The following POLA1 variants were observed in gnomAD, a reference collection of about 807,000 sequenced individuals.
POLA1 encodes DNA polymerase alpha 1, catalytic subunit, also known as DNA polymerase alpha catalytic subunit.
A neutral mutation model predicts 124.0 loss-of-function variants in POLA1; 15 were observed. That is an observed-to-expected ratio of 0.12 (90% confidence interval 0.08 to 0.19). The LOEUF (loss-of-function observed/expected upper bound fraction) is 0.19, where lower values mean the gene tolerates loss of function less well. Ranked by LOEUF, POLA1 falls within the 10% of genes least tolerant of loss-of-function variation. The pLI is 1.00. For synonymous variants in POLA1, 408 were observed against 389.4 expected (o/e 1.05, Z -0.56); for missense variants, 886 against 1,103.4 (o/e 0.80, Z 2.79).
At chrX:24,771,957 A>G (rs2045045742) in intron 26 of POLA1, among the ~76,000 whole-genome samples, 1 of 112,083 alleles carries the variant, frequency 8.9e-6, no homozygotes, top group Non-Finnish European at 1.9e-5. Flanking sequence ...CCATCTTTCC[A>G]TGCATATACA....
intron 20 of POLA1, 84 bp downstream of exon 20, chrX:24,739,634 G>C: frequency 1.7e-6 from 1 of 573,481 alleles, no homozygotes; most frequent in South Asian, 3.3e-5. Context: ...AGTCTGGAGG[G>C]ACATGAGCCA....
At chrX:24,881,805 G>A (rs1258680809) in intron 34 of POLA1, among the ~76,000 whole-genome samples, 1 of 111,808 alleles carries the variant, frequency 8.9e-6, no homozygotes, top group African/African-American at 3.2e-5. Flanking sequence ...CGACCTTTTA[G>A]GCAGAGGTTC....
chrX:24,744,419 G>A (rs1569292760), intron 23 of POLA1: 1 of 316,931 alleles, frequency 3.2e-6, no homozygotes, highest in African/African-American at 2.8e-5. Context: ...CTATATGTTT[G>A]CAATTATTAT....
At chrX:24,954,609 G>C (rs2048085048) in intron 36 of POLA1, among the ~76,000 whole-genome samples, 2 of 112,413 alleles carry the variant, frequency 1.8e-5, no homozygotes, top group South Asian at 3.7e-4. Context: ...TAATTTGTTA[G>C]TGTTAGATAT....
At chrX:24,946,920 A>G (rs996776857) in intron 36 of POLA1, among the ~76,000 whole-genome samples, 1 of 111,849 alleles carries the variant, frequency 8.9e-6, no homozygotes, top group African/African-American at 3.3e-5. Flanking sequence ...GTATGTATAC[A>G]TTCATCAAAC....
intron 36 of POLA1, among the ~76,000 whole-genome samples, chrX:24,974,060 GAA>G (rs372716899): frequency 9.4e-6 from 1 of 106,788 alleles, no homozygotes; most frequent in African/African-American, 3.4e-5. Flanking sequence ...TAAATGACAG[GAA>G]AAAAAAAATC....
intron 35 of POLA1, among the ~76,000 whole-genome samples, chrX:24,891,138 G>T (rs2047138601): frequency 8.9e-6 from 1 of 112,220 alleles, no homozygotes; most frequent in Admixed American, 9.5e-5. Context: ...AGTATATCAG[G>T]TTATCTTTTA....
intron 35 of POLA1, among the ~76,000 whole-genome samples, chrX:24,904,840 C>T (rs1347377929): frequency 9.0e-6 from 1 of 110,942 alleles, no homozygotes; most frequent in Non-Finnish European, 1.9e-5. Flanking sequence ...GCCTGGCCAA[C>T]ATGGCAAAAC....
intron 34 of POLA1, among the ~76,000 whole-genome samples, chrX:24,880,961 G>C (rs1211243491): frequency 9.0e-6 from 1 of 111,720 alleles, no homozygotes; most frequent in African/African-American, 3.3e-5. Context: ...TGCATTCCTG[G>C]TGAGCCATTA....
intron 26 of POLA1, among the ~76,000 whole-genome samples, chrX:24,786,395 G>A (rs1376962611): frequency 2.7e-5 from 3 of 112,227 alleles, no homozygotes; most frequent in Non-Finnish European, 5.6e-5. Flanking sequence ...TTTGCGTGTC[G>A]CTGATGATTA....
intron 26 of POLA1, among the ~76,000 whole-genome samples, chrX:24,765,442 C>T (rs767851654): frequency 1.9e-4 from 21 of 109,189 alleles, no homozygotes; most frequent in South Asian, 1.6e-3. Context: ...ATTACAGGCA[C>T]GCACCACCAC....
chrX:24,765,889 TTCC>T (rs1932894259), intron 26 of POLA1, among the ~76,000 whole-genome samples: 1 of 112,025 alleles, frequency 8.9e-6, no homozygotes, highest in South Asian at 3.7e-4. Context: ...ATATGTATCT[TTCC>T]TTTTTCCATG....
At chrX:24,954,675 G>T (rs909395583) in intron 36 of POLA1, among the ~76,000 whole-genome samples, 1 of 112,185 alleles carries the variant, frequency 8.9e-6, no homozygotes, top group African/African-American at 3.2e-5. Flanking sequence ...AATATGGTGA[G>T]CATCAAAGTA....
intron 4 of POLA1, among the ~76,000 whole-genome samples, chrX:24,709,491 C>G (rs1350717867): frequency 8.4e-5 from 6 of 71,176 alleles, no homozygotes; most frequent in Middle Eastern, 7.9e-3. Context: ...CGGGGGCTGA[C>G]CCCCCCCACC....
At chrX:24,738,881 G>T (rs1485303968) in intron 19 of POLA1, among the ~76,000 whole-genome samples, 1 of 111,524 alleles carries the variant, frequency 9.0e-6, no homozygotes, top group Non-Finnish European at 1.9e-5. Flanking sequence ...ATCAAAGTTG[G>T]GGCCACTGCT....
intron 18 of POLA1, 51 bp downstream of exon 18, chrX:24,735,539 T>C: frequency 1.4e-6 from 1 of 719,775 alleles, no homozygotes. Context: ...TTCTTAGTTC[T>C]TTTCAGTGTG....
chrX:24,852,501 G>A (rs1219118483), intron 34 of POLA1, among the ~76,000 whole-genome samples: 1 of 110,254 alleles, frequency 9.1e-6, no homozygotes, highest in Non-Finnish European at 1.9e-5. Flanking sequence ...GTAGAGATAG[G>A]GTTTCTCCAT....
intron 35 of POLA1, among the ~76,000 whole-genome samples, chrX:24,888,491 A>C (rs1326035343): frequency 9.1e-6 from 1 of 110,482 alleles, no homozygotes; most frequent in African/African-American, 3.3e-5. Flanking sequence ...CTGTACCCTG[A>C]ATGGTTTATT....
intron 26 of POLA1, among the ~76,000 whole-genome samples, 160 bp from the exon 27 acceptor site, chrX:24,809,738 T>C (rs1312294898): frequency 9.0e-6 from 1 of 111,342 alleles, no homozygotes; most frequent in African/African-American, 3.3e-5. Flanking sequence ...TTAGATTATA[T>C]TGATGTTACT....
Sources: allele counts gnomAD v4.1 joint callset (sites outside exome capture counted in the v4.1 genomes callset), GRCh38; gene constraint gnomAD v4.1.1; transcripts MANE v1.5; gene names NCBI Gene and HGNC (gene_info 2026-07-23, HGNC 2026-07-21).